COL5A2: variants seen among roughly 807,000 people sequenced by gnomAD.
The protein encoded by COL5A2 is collagen alpha-2(V) chain.
A neutral mutation model predicts 208.2 loss-of-function variants in COL5A2; 23 were observed. The ratio of observed to expected loss-of-function variants is 0.11; its 90% CI spans 0.08 to 0.16. The LOEUF (loss-of-function observed/expected upper bound fraction) is 0.16, where lower values mean the gene tolerates loss of function less well. COL5A2 is among the 10% of genes least tolerant of loss of function. COL5A2 has a pLI of 1.00. For synonymous variants in COL5A2, 625 were observed against 628.5 expected, an observed-to-expected ratio of 0.99 and a Z score of 0.08; for missense variants, 1,590 against 1,956.4, an observed-to-expected ratio of 0.81 and a Z score of 3.53.
At chr2:189,206,253 G>C (rs1689142049) in intron 1 of COL5A2, among the ~76,000 whole-genome samples, 1 of 152,126 alleles carries the variant, frequency 6.6e-6, no homozygotes, top group Admixed American at 6.5e-5. Context: ...AGCCAAGACT[G>C]AACCAACCAT....
At chr2:189,438,959 G>A in the COL5A2 span, among the ~76,000 whole-genome samples, 2 of 152,048 alleles carry the variant, frequency 1.3e-5, no homozygotes, top group African/African-American at 4.8e-5. Context: ...CCCCCTTGAT[G>A]ATTATTCTCC....
chr2:189,240,068 CA>C, the COL5A2 span, among the ~76,000 whole-genome samples: 20 of 152,136 alleles, frequency 1.3e-4, 1 homozygote, highest in African/African-American at 4.3e-4. Flanking sequence ...AACCAAAAAC[CA>C]AACAAGTCAA....
At chr2:189,327,271 G>A in the COL5A2 span, among the ~76,000 whole-genome samples, 2 of 152,044 alleles carry the variant, frequency 1.3e-5, no homozygotes, top group Non-Finnish European at 2.9e-5. Context: ...CCATACTTAG[G>A]AATCACTAAC....
the COL5A2 span, among the ~76,000 whole-genome samples, chr2:189,339,350 CAAAA>C: frequency 8.7e-5 from 10 of 114,388 alleles, no homozygotes; most frequent in East Asian, 3.0e-4. Flanking sequence ...GACTCTGTCT[CAAAA>C]AAAAAAAAAA....
chr2:189,141,561 T>C (rs954864821), intron 1 of COL5A2, among the ~76,000 whole-genome samples: 2 of 152,150 alleles, frequency 1.3e-5, no homozygotes, highest in East Asian at 1.9e-4. Flanking sequence ...CGGTTAAAGA[T>C]TTCCTCTTAC....
chr2:189,224,647 C>T (rs1689390228), intron 1 of COL5A2, among the ~76,000 whole-genome samples: 1 of 151,938 alleles, frequency 6.6e-6, no homozygotes, highest in Non-Finnish European at 1.5e-5. Flanking sequence ...TGAGAACATG[C>T]CACTGCACTC....
the COL5A2 span, among the ~76,000 whole-genome samples, chr2:189,275,982 A>T: frequency 5.3e-5 from 8 of 152,334 alleles, no homozygotes; most frequent in Admixed American, 3.9e-4. Flanking sequence ...TCAATTGTTT[A>T]TAACAACCCA....
At position 189,049,429 on chromosome 2, in the gene COL5A2, G is replaced by A; in HGVS notation, c.3065C>T (p.Thr1022Ile). The change falls in exon 44 of 54, where the codon ACT (threonine) becomes ATT (isoleucine). Residue 1022 changes from threonine to isoleucine, a missense_variant. By Grantham distance (89) the Thr-to-Ile change is moderately conservative. Coordinates refer to ENST00000374866, the MANE Select transcript of COL5A2 (RefSeq NM_000393.5). ...PAGTPGKVGPTGATGDKGPPG... is the reference protein window; with the variant it reads ...PAGTPGKVGPIGATGDKGPPG... Reference sequence around the variant, plus strand: ...TGGACCTTTATCTCCTGTTGCACCAGTTGGTCCTACTTTTCCTGGTGTTCC... The same window carrying A: ...TGGACCTTTATCTCCTGTTGCACCAATTGGTCCTACTTTTCCTGGTGTTCC... The A allele has an allele frequency of 1.2e-6, 2 of 1,613,516 alleles. No homozygotes were observed. The highest frequency in any genetic ancestry group is 1.1e-5 in the South Asian group (1 of 90,818).
chr2:189,233,522 C>T, the COL5A2 span, among the ~76,000 whole-genome samples: 2 of 151,114 alleles, frequency 1.3e-5, no homozygotes, highest in African/African-American at 4.8e-5. Context: ...TCGTTAAATA[C>T]AACTTTGTTA....
intron 1 of COL5A2, among the ~76,000 whole-genome samples, chr2:189,122,716 C>T (rs559094777): frequency 1.3e-5 from 2 of 151,896 alleles, no homozygotes; most frequent in Non-Finnish European, 2.9e-5. Context: ...ATTAAAGTGC[C>T]TGATACATGA....
chr2:189,288,708 A>G, the COL5A2 span, among the ~76,000 whole-genome samples: 4 of 152,174 alleles, frequency 2.6e-5, no homozygotes, highest in South Asian at 6.2e-4. Context: ...TCAAAATGCA[A>G]TTTATGAGGC....
At chr2:189,224,582 G>A (rs555205981) in intron 1 of COL5A2, among the ~76,000 whole-genome samples, 36 of 151,960 alleles carry the variant, frequency 2.4e-4, no homozygotes, top group African/African-American at 7.0e-4. Context: ...ACAGCTACTC[G>A]GGAGGCTGAG....
At chr2:189,399,635 A>G in the COL5A2 span, among the ~76,000 whole-genome samples, 1 of 151,896 alleles carries the variant, frequency 6.6e-6, no homozygotes, top group Non-Finnish European at 1.5e-5. Flanking sequence ...TAGAACTTTG[A>G]GTTATAGTTT....
chr2:189,326,096 C>CAAAAAAAAAAAAA, the COL5A2 span, among the ~76,000 whole-genome samples: 1 of 96,818 alleles, frequency 1.0e-5, no homozygotes, highest in Non-Finnish European at 2.2e-5. Flanking sequence ...GACCCTGTCT[C>CAAAAAAAAAAAAA]AAAAAAAAAA....
At chr2:189,114,533 C>T (rs1157337059) in intron 1 of COL5A2, among the ~76,000 whole-genome samples, 2 of 150,604 alleles carry the variant, frequency 1.3e-5, no homozygotes, top group African/African-American at 2.4e-5. Flanking sequence ...TTTCAAATGA[C>T]ATTCTGAGAA....
chr2:189,054,693 T>G (rs1685864598), intron 35 of COL5A2, among the ~76,000 whole-genome samples: 1 of 144,700 alleles, frequency 6.9e-6, no homozygotes, highest in Non-Finnish European at 1.5e-5. Context: ...TTTTTTCCTT[T>G]TTTTTTTTTT....
Position 189,098,004 on chromosome 2 carries a change from G to A in COL5A2, c.403-674C>T, listed in dbSNP as rs113122214. Among the ~76,000 whole-genome samples, 1,143 of 151,786 alleles carry A rather than the reference G, an allele frequency of 7.5e-3. 14 individuals are homozygous for A. The highest frequency in any genetic ancestry group is 0.025 in the African/African-American group (1,020 of 41,280). ...AAATGACTATTATATTTCAAAAGTGGTGTTATTGTGCTGATATCTTAAAAT... is the reference window on the plus strand; with the variant it reads ...AAATGACTATTATATTTCAAAAGTGATGTTATTGTGCTGATATCTTAAAAT... On this transcript the variant is annotated intron_variant, in intron 5 of 53. Transcript: ENST00000374866.
chr2:189,415,498 T>C, the COL5A2 span, among the ~76,000 whole-genome samples: 2 of 152,174 alleles, frequency 1.3e-5, no homozygotes, highest in South Asian at 4.1e-4. Context: ...TTAATTGTGT[T>C]ATTGAAGAAT....
chr2:189,427,265 G>A, the COL5A2 span, among the ~76,000 whole-genome samples: 10 of 152,354 alleles, frequency 6.6e-5, no homozygotes, highest in African/African-American at 1.7e-4. Context: ...TTCAGAGAGC[G>A]CAAGCTGTAA....
Sources: allele counts gnomAD v4.1 joint callset (sites outside exome capture counted in the v4.1 genomes callset), GRCh38; gene constraint gnomAD v4.1.1; transcripts MANE v1.5; gene names NCBI Gene and HGNC (gene_info 2026-07-23, HGNC 2026-07-21).